The following RBFOX1 variants were observed in gnomAD, a reference collection of about 807,000 sequenced individuals.
RBFOX1 encodes the protein RNA binding protein fox-1 homolog 1.
A neutral mutation model predicts 57.7 loss-of-function variants in RBFOX1; 8 were observed. The ratio of observed to expected loss-of-function variants is 0.14; its 90% CI spans 0.08 to 0.25. The LOEUF (loss-of-function observed/expected upper bound fraction) is 0.25. RBFOX1 is among the 10% of genes least tolerant of loss of function. The probability of loss-of-function intolerance (pLI) is 1.00; values close to 1 mark genes in which losing one functional copy is unlikely to be tolerated. For missense variants in RBFOX1, 611 were observed against 548.5 expected (o/e 1.11, Z -1.14); for synonymous variants, 326 against 222.4 (o/e 1.47, Z -4.15).
chr16:6,676,240 T>C (rs2057662003), intron 3 of RBFOX1, among the ~76,000 whole-genome samples: 1 of 151,734 alleles, frequency 6.6e-6, no homozygotes, highest in South Asian at 2.1e-4. Context: ...GTGAGTGTTG[T>C]AGTTACGGGG....
At chr16:6,907,004 A>G (rs2070174717) in intron 3 of RBFOX1, among the ~76,000 whole-genome samples, 1 of 152,132 alleles carries the variant, frequency 6.6e-6, no homozygotes, top group African/African-American at 2.4e-5. Flanking sequence ...GATTACAGGC[A>G]TGAGCCACCG....
intron 3 of RBFOX1, among the ~76,000 whole-genome samples, chr16:5,837,267 C>G (rs1192727935): frequency 6.6e-6 from 1 of 150,650 alleles, no homozygotes; most frequent in Non-Finnish European, 1.5e-5. Flanking sequence ...TTTTTTTTAA[C>G]TACACACAAA....
chr16:5,728,160 C>G (rs1398589776), intron 3 of RBFOX1, among the ~76,000 whole-genome samples: 2 of 152,216 alleles, frequency 1.3e-5, no homozygotes, highest in Non-Finnish European at 2.9e-5. Context: ...TGTCATCACG[C>G]TCATTGCAGC....
At chr16:7,098,459 T>A (rs1463149452) in intron 4 of RBFOX1, among the ~76,000 whole-genome samples, 1 of 152,108 alleles carries the variant, frequency 6.6e-6, no homozygotes, top group Non-Finnish European at 1.5e-5. Context: ...CATGAGCTAC[T>A]GTGCCAGGTA....
chr16:5,333,622 G>A (rs1029002881), intron 1 of RBFOX1, among the ~76,000 whole-genome samples: 1 of 152,160 alleles, frequency 6.6e-6, no homozygotes. Flanking sequence ...GTCATATGTC[G>A]CATAATGACG....
At chr16:6,935,927 A>T (rs553557251) in intron 3 of RBFOX1, among the ~76,000 whole-genome samples, 1 of 152,244 alleles carries the variant, frequency 6.6e-6, no homozygotes, top group East Asian at 1.9e-4. Context: ...GTGACTGGGG[A>T]CCAATCTGTG....
chr16:6,023,721 A>G (rs927367720), intron 1 of RBFOX1, among the ~76,000 whole-genome samples: 2 of 152,170 alleles, frequency 1.3e-5, no homozygotes, highest in African/African-American at 4.8e-5. Context: ...ATCATCCACA[A>G]ATTAATACTG....
Position 7,648,106 on chromosome 16 carries a change from C to G in RBFOX1, c.758-5709C>G, listed in dbSNP as rs544327043. Among the ~76,000 whole-genome samples, 5 of 152,290 alleles carry G rather than the reference C, an allele frequency of 3.3e-5. No individual in the cohort carries two copies. In the South Asian group the frequency reaches 1.0e-3, roughly 32 times the overall value. On this transcript the variant is annotated intron_variant, in intron 11 of 15. Coordinates refer to ENST00000550418, the MANE Select transcript of RBFOX1 (RefSeq NM_018723.4). Reference sequence around the variant, plus strand: ...GCTGGGTTTTTTAAAGGAAGTGTGGCAAACAGTTGTGTGTGTGCATGTGTG... The same window carrying G: ...GCTGGGTTTTTTAAAGGAAGTGTGGGAAACAGTTGTGTGTGTGCATGTGTG...
At chr16:6,855,666 A>AAG (rs1208179905) in intron 3 of RBFOX1, among the ~76,000 whole-genome samples, 6 of 151,292 alleles carry the variant, frequency 4.0e-5, no homozygotes, top group Non-Finnish European at 8.8e-5. Context: ...AAAAAAAAAA[A>AAG]AAGATCTTTT....
chr16:7,106,844 A>G (rs561487619), intron 4 of RBFOX1, among the ~76,000 whole-genome samples: 2 of 152,190 alleles, frequency 1.3e-5, no homozygotes, highest in South Asian at 4.2e-4. Flanking sequence ...AAGCAAACAA[A>G]ATAGTATATT....
intron 3 of RBFOX1, among the ~76,000 whole-genome samples, chr16:6,811,331 G>C (rs1190975503): frequency 6.6e-6 from 1 of 152,154 alleles, no homozygotes; most frequent in African/African-American, 2.4e-5. Context: ...AGTAATACTG[G>C]ATAAGATTTA....
intron 1 of RBFOX1, among the ~76,000 whole-genome samples, chr16:5,373,683 C>T (rs1263529636): frequency 6.6e-6 from 1 of 151,900 alleles, no homozygotes; most frequent in African/African-American, 2.4e-5. Context: ...TGGCTCACTG[C>T]ACCTTTGCCT....
At chr16:6,592,234 G>C (rs987598500) in intron 2 of RBFOX1, among the ~76,000 whole-genome samples, 6 of 152,126 alleles carry the variant, frequency 3.9e-5, no homozygotes, top group Non-Finnish European at 1.5e-5. Context: ...CCAGCCATTG[G>C]GCTTTCTTTT....
In RBFOX1 at chr16:6,714,843, G is replaced by A. The variant is rs1049498580; in HGVS notation, c.-16+60193G>A. ...ACCTGTGCTACATCCATAAGAGGCTGCGTTTGAGGTTCTGTTTGGGAGGCA... is the reference window on the plus strand; with the variant it reads ...ACCTGTGCTACATCCATAAGAGGCTACGTTTGAGGTTCTGTTTGGGAGGCA... On this transcript the variant is annotated intron_variant, in intron 3 of 15. Transcript: ENST00000550418. 2.6e-5 allele frequency among the ~76,000 whole-genome samples: 4 copies of A among 152,082 alleles called. No homozygotes were observed. The East Asian group carries it at 7.7e-4, about 29-fold the overall frequency.
intron 3 of RBFOX1, among the ~76,000 whole-genome samples, chr16:5,828,863 A>G (rs977747449): frequency 2.0e-5 from 3 of 152,156 alleles, no homozygotes; most frequent in Admixed American, 6.5e-5. Context: ...TGTGTAATAA[A>G]TTACCATTAC....
At chr16:5,660,511 G>A (rs894167940) in intron 3 of RBFOX1, among the ~76,000 whole-genome samples, 1 of 152,146 alleles carries the variant, frequency 6.6e-6, no homozygotes, top group Non-Finnish European at 1.5e-5. Context: ...TGTGTGATGC[G>A]TTCTTTTAGG....
At chr16:7,132,376 T>A (rs1191531617) in intron 4 of RBFOX1, among the ~76,000 whole-genome samples, 1 of 151,232 alleles carries the variant, frequency 6.6e-6, no homozygotes, top group African/African-American at 2.4e-5. Context: ...AGCTGAGAGA[T>A]GGAAGCAACC....
intron 1 of RBFOX1, chr16:6,038,993 C>T (rs1483652001): frequency 8.7e-6 from 1 of 114,762 alleles, no homozygotes; most frequent in Non-Finnish European, 1.6e-5. Flanking sequence ...CTGCTCTCTT[C>T]ATGTATGCTG....
At chr16:6,321,630 G>A (rs906276774) in intron 2 of RBFOX1, among the ~76,000 whole-genome samples, 5 of 152,176 alleles carry the variant, frequency 3.3e-5, no homozygotes, top group African/African-American at 1.2e-4. Context: ...GGCATCTACT[G>A]TAGTGCTGGC....
Sources: gnomAD v4.1 joint callset for allele counts (sites outside exome capture counted in the v4.1 genomes callset) on GRCh38, gnomAD v4.1.1 for gene constraint, MANE v1.5 for transcripts, NCBI Gene and HGNC (gene_info 2026-07-23, HGNC 2026-07-21) for gene names.